The following GEN1 variants were observed in gnomAD, a reference collection of about 807,000 sequenced individuals.
GEN1 encodes flap endonuclease GEN homolog 1.
In GEN1, 64 loss-of-function variants were observed where a neutral mutation model predicts 67.6. That is an observed-to-expected ratio of 0.95 (90% confidence interval 0.77 to 1.17). The LOEUF is 1.17. Ranked by LOEUF, GEN1 falls within the 50% of genes most tolerant of loss-of-function variation. The pLI is 0.00. For missense variants in GEN1, 1,058 were observed against 1,048.3 expected (o/e 1.01, Z -0.13); for synonymous variants, 371 against 359.4 (o/e 1.03, Z -0.37).
At chr2:17,772,379 T>A (rs1672231503) in intron 7 of GEN1, among the ~76,000 whole-genome samples, 1 of 152,064 alleles carries the variant, frequency 6.6e-6, no homozygotes, top group Non-Finnish European at 1.5e-5. Context: ...AGTGTCTAAT[T>A]AACACTTTCA....
chr2:17,781,231 T>G lies in GEN1; in HGVS notation c.2019T>G (p.Pro673=). ...GITDLCLQDL[P]LKERIFTKLS... is the part of the protein sequence containing the mutation. Reference sequence around the variant, plus strand: ...CTGATTTATGTCTTCAGGATTTGCCTTTAAAGGAACGAATATTTACAAAAT... The same window carrying G: ...CTGATTTATGTCTTCAGGATTTGCCGTTAAAGGAACGAATATTTACAAAAT... The change falls in exon 14 of 14, where the codon CCT becomes CCG. Residue 673 remains proline, a synonymous_variant. Coordinates refer to ENST00000381254, the MANE Select transcript of GEN1 (RefSeq NM_001130009.3). The G allele has an allele frequency of 6.2e-7, 1 of 1,613,688 alleles. No homozygotes were observed. The highest frequency in any genetic ancestry group is 1.1e-5 in the South Asian group (1 of 91,072).
intron 4 of GEN1, 149 bp from the exon 5 acceptor site, chr2:17,766,430 A>G: frequency 2.0e-6 from 1 of 512,246 alleles, no homozygotes; most frequent in Middle Eastern, 4.6e-4. Context: ...TTGGCCTCTC[A>G]GAGTGCTGGG....
chr2:17,766,472 G>C, intron 4 of GEN1, 107 bp from the exon 5 acceptor site: 1 of 658,500 alleles, frequency 1.5e-6, no homozygotes, highest in Middle Eastern at 2.8e-4. Flanking sequence ...GCCCAGCCTG[G>C]AATAATTAAA....
intron 2 of GEN1, 148 bp downstream of exon 2, chr2:17,760,252 T>C (rs1012320731): frequency 1.4e-6 from 1 of 731,890 alleles, no homozygotes; most frequent in Non-Finnish European, 2.1e-6. Context: ...AGATTCACCA[T>C]CTTTATATTA....
chr2:17,782,063 C>A lies in GEN1; in HGVS notation c.*124C>A. 4 of 551,674 alleles carry A rather than the reference C, an allele frequency of 7.3e-6. No individual in the cohort carries two copies. Among genetic ancestry groups the A allele is most frequent in the South Asian group, 3.5e-5 (1 of 28,780 alleles). The allele number at this position is 551,674 out of a possible 1,614,324, so 34.2% of individuals were successfully genotyped here. On this transcript the variant is annotated 3_prime_UTR_variant, in exon 14 of 14. Coordinates refer to ENST00000381254, the MANE Select transcript of GEN1 (RefSeq NM_001130009.3). ...TGTTCTCTGTGTCATGAAACACTTGCCATTTTAATCAAAGTTGTAATTTTT... is the reference window on the plus strand; with the variant it reads ...TGTTCTCTGTGTCATGAAACACTTGACATTTTAATCAAAGTTGTAATTTTT...
chr2:17,759,454 A>G (rs569154250), intron 1 of GEN1, among the ~76,000 whole-genome samples: 176 of 152,330 alleles, frequency 1.2e-3, no homozygotes, highest in African/African-American at 4.1e-3. Context: ...TAAAAAGCCA[A>G]CGCCCTTTTA....
In GEN1 at chr2:17,766,644, T is replaced by C. The variant is rs758719424; in HGVS notation, c.591T>C (p.Ala197=). The C allele has an allele frequency of 6.2e-7, 1 of 1,609,444 alleles. No homozygotes were observed. The highest frequency in any genetic ancestry group is 8.5e-7 in the Non-Finnish European group (1 of 1,176,030). The change falls in exon 5 of 14, where the codon GCT becomes GCC. Residue 197 remains alanine (A), a synonymous_variant. Coordinates refer to ENST00000381254, the MANE Select transcript of GEN1 (RefSeq NM_001130009.3). ...IKSKLGLDRD[A]LVGLAILLGC... ...GTAAACTAGGTTTGGATAGAGATGC[T>C]CTGGTTGGATTAGCAATACTTCTTG... is the stretch of plus-strand genomic sequence containing the variant.
chr2:17,760,224 G>A lies in GEN1; in HGVS notation c.161+120G>A, dbSNP rs1168919279. ...ATTCTTTTACATTTTGAGGTTTTAA[G>A]ATCTATTTAACATGTCTAGATTCAC... On this transcript the variant is annotated intron_variant, in intron 2 of 13. Transcript: ENST00000381254. 3.1e-6 allele frequency: 3 copies of A among 964,922 alleles called. No individual in the cohort carries two copies. In the Admixed American group the frequency reaches 8.6e-5, roughly 28 times the overall value. 59.8% of individuals were successfully genotyped at this position (964,922 alleles called of 1,614,324 possible). A position where few individuals can be genotyped will look rare whatever the true frequency, so the allele number is the denominator to read the frequency against.
At chr2:17,762,012 T>C (rs2125122532) in intron 3 of GEN1, among the ~76,000 whole-genome samples, 1 of 152,296 alleles carries the variant, frequency 6.6e-6, no homozygotes, top group East Asian at 1.9e-4. Flanking sequence ...ATAGTTCATA[T>C]ACAGAATATA....
At chr2:17,760,546 T>C (rs1376932944) in intron 2 of GEN1, among the ~76,000 whole-genome samples, 1 of 152,214 alleles carries the variant, frequency 6.6e-6, no homozygotes, top group African/African-American at 2.4e-5. Context: ...TCTTCACTAG[T>C]TTCTTGCTCT....
At chr2:17,777,599 AT>A (rs1672495606) in intron 11 of GEN1, among the ~76,000 whole-genome samples, 1 of 152,200 alleles carries the variant, frequency 6.6e-6, no homozygotes, top group Non-Finnish European at 1.5e-5. Flanking sequence ...AAGACAGATT[AT>A]ATTGGATAAG....
chr2:17,780,971 A>T lies in GEN1; in HGVS notation c.1759A>T (p.Thr587Ser), dbSNP rs1161304540. The T allele has an allele frequency of 6.2e-7, 1 of 1,613,536 alleles. No homozygotes were observed. The highest frequency in any genetic ancestry group is 1.7e-5 in the Admixed American group (1 of 60,026). Residue 587 changes from threonine (T) to serine (S), a missense_variant, in exon 14 of 14, where the codon ACT (threonine) becomes TCT (serine). Coordinates refer to ENST00000381254, the MANE Select transcript of GEN1 (RefSeq NM_001130009.3). ...ISVIADLHLS[T>S]IDWEGTSFSN... ...CGTGATTGCTGATCTACACTTGAGC[A>T]CTATTGACTGGGAAGGTACTTCTTT...
At chr2:17,773,363 T>A in intron 10 of GEN1, 64 bp downstream of exon 10, 1 of 973,940 alleles carries the variant, frequency 1.0e-6, no homozygotes, top group East Asian at 2.5e-5. Context: ...GGAACAGATA[T>A]TCACTCTGAT....
At chr2:17,754,631 A>G (rs1220684961) in intron 1 of GEN1, 2 of 152,236 alleles carry the variant, frequency 1.3e-5, no homozygotes, top group Non-Finnish European at 2.9e-5. Flanking sequence ...TCCCCCGGGC[A>G]TGCGATGGGG....
chr2:17,770,974 T>C, intron 6 of GEN1: 1 of 582,756 alleles, frequency 1.7e-6, no homozygotes, highest in Non-Finnish European at 3.2e-6. Context: ...CACACACATA[T>C]ACTCTCTCTC....
rs751307275 is a variant in GEN1 at position 17,761,502 on chromosome 2, A to G, written c.268A>G (p.Asn90Asp). ...GAAAGCTGATGTCATAAGCAAGAGG[A>G]ATCAGTCTCGGTATGGGTCTTCTGG... The part of the protein sequence containing the change: ...KLKADVISKR[N>D]QSRYGSSGKS... The change falls in exon 3 of 14, where the codon AAT (asparagine) becomes GAT (aspartate). Residue 90 changes from asparagine to aspartate, a missense_variant. Coordinates refer to ENST00000381254, the MANE Select transcript of GEN1 (RefSeq NM_001130009.3). 1 of 1,612,908 alleles carries G rather than the reference A, an allele frequency of 6.2e-7. No homozygotes were observed. The highest frequency in any genetic ancestry group is 8.5e-7 in the Non-Finnish European group (1 of 1,179,130).
chr2:17,759,798 C>A, intron 1 of GEN1, 131 bp from the exon 2 acceptor site: 1 of 697,392 alleles, frequency 1.4e-6, no homozygotes, highest in Non-Finnish European at 2.2e-6. Context: ...TTTTGAAACG[C>A]TGACTGATGA....
intron 3 of GEN1, among the ~76,000 whole-genome samples, chr2:17,763,753 G>A (rs561348790): frequency 1.7e-4 from 26 of 152,306 alleles, no homozygotes; most frequent in African/African-American, 3.6e-4. Flanking sequence ...GGGTAAGGTC[G>A]AAGCAACACT....
chr2:17,756,365 CT>C (rs1671435542), intron 1 of GEN1, among the ~76,000 whole-genome samples: 2 of 152,164 alleles, frequency 1.3e-5, no homozygotes, highest in Admixed American at 1.3e-4. Flanking sequence ...TGTAAGTAGA[CT>C]TGTGTGACAG....
Sources: gnomAD v4.1 joint callset for allele counts (sites outside exome capture counted in the v4.1 genomes callset) on GRCh38, gnomAD v4.1.1 for gene constraint, MANE v1.5 for transcripts, NCBI Gene and HGNC (gene_info 2026-07-23, HGNC 2026-07-21) for gene names.